Variants in PES1 observed in about 807,000 individuals in gnomAD.
The protein encoded by PES1 is pescadillo homolog.
Under a neutral mutation model 77.1 loss-of-function variants are expected in PES1, and 31 were observed. That is an observed-to-expected ratio of 0.40 (90% confidence interval 0.30 to 0.54). The LOEUF is 0.54. Ranked by LOEUF, PES1 falls within the 20% of genes least tolerant of loss-of-function variation. The probability of loss-of-function intolerance (pLI) is 0.45; values close to 1 mark genes in which losing one functional copy is unlikely to be tolerated. For synonymous variants in PES1, 282 were observed against 303.0 expected (o/e 0.93, Z 0.72); for missense variants, 658 against 771.7 (o/e 0.85, Z 1.75).
chr22:30,593,102 C>T (rs959014925), upstream of PES1, among the ~76,000 whole-genome samples: 1 of 152,124 alleles, frequency 6.6e-6, no homozygotes, highest in East Asian at 1.9e-4. Flanking sequence ...CAGAGACAGA[C>T]GTTAAGCACT....
At position 30,584,537 on chromosome 22, in the gene PES1, CA is replaced by C. The variant is rs773482625; in HGVS notation, c.540+8del. ...GGGTGGGATGCCAGCCGGGCAGTCCCAGGCTCACCTTGCGCAGGGCACGGGC... is the reference window on the plus strand; with the variant it reads ...GGGTGGGATGCCAGCCGGGCAGTCCCGGCTCACCTTGCGCAGGGCACGGGC... On this transcript the variant is annotated splice_region_variant and intron_variant, in intron 5 of 14. Transcript: ENST00000354694. The C allele has an allele frequency of 1.9e-6, 3 of 1,610,070 alleles. No homozygotes were observed. In the South Asian group the frequency reaches 3.3e-5, roughly 18 times the overall value.
chr22:30,584,778 G>C, intron 4 of PES1, 61 bp from the exon 5 acceptor site: 1 of 1,537,556 alleles, frequency 6.5e-7, no homozygotes, highest in Non-Finnish European at 8.9e-7. Context: ...GGGGGACCCT[G>C]ATCTCCTTAT....
chr22:30,606,815 ACTGCAG>A (rs2087456311), exon 1 of PES1: 1 of 993,914 alleles, frequency 1.0e-6, no homozygotes, highest in Admixed American at 5.7e-5. Flanking sequence ...TCACGTGACC[ACTGCAG>A]CTGCAGCTCC....
At chr22:30,578,541 C>T (rs907763311) in intron 14 of PES1, among the ~76,000 whole-genome samples, 2 of 152,248 alleles carry the variant, frequency 1.3e-5, no homozygotes, top group African/African-American at 2.4e-5. Flanking sequence ...CCCCCGCCCC[C>T]AGTCCTTGAG....
rs192608678 is a variant in PES1, at chr22:30,589,117, G to T, written c.104+74C>A. 7.2e-5 allele frequency: 80 copies of T among 1,108,202 alleles called. No homozygotes were observed. The African/African-American group carries it at 1.0e-3, about 15-fold the overall frequency. 68.6% of individuals were successfully genotyped at this position (1,108,202 alleles called of 1,614,324 possible). On this transcript the variant is annotated intron_variant, in intron 2 of 14. Coordinates refer to ENST00000354694, the MANE Select transcript of PES1 (RefSeq NM_014303.4). ...CCCCAGAATGGGTATGGCAACTCAG[G>T]TAAGACAGGGATGCAGCTGAGTTTT...
chr22:30,581,209 C>T (rs2086981352), intron 8 of PES1, 108 bp from the exon 9 acceptor site: 1 of 1,352,288 alleles, frequency 7.4e-7, no homozygotes. Context: ...GTGTGGGTTC[C>T]AAGGGCAGGC....
At chr22:30,595,703 C>T (rs2087244076), upstream of PES1, among the ~76,000 whole-genome samples, 1 of 152,162 alleles carries the variant, frequency 6.6e-6, no homozygotes, top group Admixed American at 6.5e-5. Flanking sequence ...CATCCAGACC[C>T]TGCAAGGAAT....
intron 3 of PES1, 51 bp downstream of exon 3, chr22:30,587,970 G>A: frequency 5.7e-6 from 9 of 1,580,878 alleles, no homozygotes; most frequent in South Asian, 1.1e-5. Flanking sequence ...TTAGTTAGTG[G>A]GTCACAGAGC....
At chr22:30,606,640 C>T (rs898833804) in intron 1 of PES1, 1 of 158,530 alleles carries the variant, frequency 6.3e-6, no homozygotes, top group East Asian at 1.9e-4. Context: ...CCTGGCTGGT[C>T]TGGGGCCAGC....
At chr22:30,593,973 T>C (rs2087220996), upstream of PES1, among the ~76,000 whole-genome samples, 3 of 152,182 alleles carry the variant, frequency 2.0e-5, no homozygotes, top group South Asian at 6.2e-4. Context: ...GCCAGGTAGA[T>C]TTTTGTTCCA....
intron 10 of PES1, 56 bp downstream of exon 10, chr22:30,580,515 C>T (rs2086966521): frequency 6.2e-7 from 1 of 1,605,800 alleles, no homozygotes; most frequent in South Asian, 1.1e-5. Context: ...CAGGGCAGGA[C>T]CCAGACCAGA....
chr22:30,585,546 C>G (rs927392490), intron 4 of PES1, among the ~76,000 whole-genome samples: 2 of 152,132 alleles, frequency 1.3e-5, no homozygotes, highest in Admixed American at 1.3e-4. Context: ...AGCCTCTCTC[C>G]CGCAGCCACA....
chr22:30,579,923 C>T lies in PES1; in HGVS notation c.1182G>A (p.Gln394=), dbSNP rs1358594003. ...TCACTGAGTCAAACACCCACTGGGG[C>T]TGCACGTAGCACCTGGCGCAGAGTG... is the stretch of plus-strand genomic sequence containing the variant. ...QTSVIGRCYV[Q]PQWVFDSVNA... The change falls in exon 12 of 15, where the codon CAG becomes CAA. Residue 394 remains glutamine (Q), a synonymous_variant. Transcript: ENST00000354694. 59 of 1,614,016 alleles carry T rather than the reference C, an allele frequency of 3.7e-5. No homozygotes were observed. The highest frequency in any genetic ancestry group is 5.0e-5 in the Non-Finnish European group (59 of 1,179,922).
At chr22:30,579,434 T>C in intron 12 of PES1, 131 bp from the exon 13 acceptor site, 2 of 1,461,540 alleles carry the variant, frequency 1.4e-6, no homozygotes, top group Non-Finnish European at 1.8e-6. Flanking sequence ...ATGTCCCAAT[T>C]GTGGCCCTCT....
chr22:30,600,774 C>G (rs2087342381), intron 2 of PES1, among the ~76,000 whole-genome samples: 1 of 152,150 alleles, frequency 6.6e-6, no homozygotes, highest in Non-Finnish European at 1.5e-5. Context: ...GAGATCGCGT[C>G]ACTGCACTCC....
At position 30,580,717 on chromosome 22, in the gene PES1, C is replaced by T. The variant is rs76588799; in HGVS notation, c.913-16G>A. 2.4e-3 allele frequency: 3,925 copies of T among 1,612,468 alleles called. 81 individuals are homozygous for T. In the African/African-American group the frequency reaches 0.042, roughly 17 times the overall value. On this transcript the variant is annotated splice_polypyrimidine_tract_variant and intron_variant, in intron 9 of 14. Coordinates refer to ENST00000354694, the MANE Select transcript of PES1 (RefSeq NM_014303.4). ...CTGACATCTCCTGTTGAGAAAGGGG[C>T]CAGGCCTCGCACCACCAGGGCTGCC...
chr22:30,577,445 C>G (rs893875801), intron 14 of PES1, among the ~76,000 whole-genome samples: 1 of 152,206 alleles, frequency 6.6e-6, no homozygotes, highest in African/African-American at 2.4e-5. Flanking sequence ...TCACCAGGAG[C>G]TGGTGGAAAG....
intron 2 of PES1, among the ~76,000 whole-genome samples, chr22:30,597,353 C>A (rs200313717): frequency 6.6e-5 from 10 of 150,752 alleles, no homozygotes; most frequent in Non-Finnish European, 1.3e-4. Flanking sequence ...ATTTGGAGAA[C>A]CTTTATGTCT....
At chr22:30,598,532 G>A (rs2087301377) in intron 2 of PES1, among the ~76,000 whole-genome samples, 1 of 152,216 alleles carries the variant, frequency 6.6e-6, no homozygotes. Flanking sequence ...GGGTTTAGGT[G>A]ATTCTCGTGC....
Sources: allele counts gnomAD v4.1 joint callset (sites outside exome capture counted in the v4.1 genomes callset), GRCh38; gene constraint gnomAD v4.1.1; transcripts MANE v1.5; gene names NCBI Gene and HGNC (gene_info 2026-07-23, HGNC 2026-07-21).